The following SLC4A7 variants were observed in gnomAD, a reference collection of about 807,000 sequenced individuals.
SLC4A7 encodes sodium bicarbonate cotransporter 3.
In SLC4A7, 51 loss-of-function variants were observed where a neutral mutation model predicts 137.6. That is an observed-to-expected ratio of 0.37 (90% confidence interval 0.30 to 0.47). The LOEUF is 0.47. SLC4A7 is among the 20% of genes least tolerant of loss of function. The pLI is 1.00. For missense variants in SLC4A7, 1,247 were observed against 1,525.4 expected (o/e 0.82, Z 3.04); for synonymous variants, 542 against 518.6 (o/e 1.05, Z -0.61).
intron 13 of SLC4A7, among the ~76,000 whole-genome samples, chr3:27,408,419 A>G (rs1009147580): frequency 3.3e-5 from 5 of 152,252 alleles, no homozygotes; most frequent in African/African-American, 1.2e-4. Flanking sequence ...TACAATGATT[A>G]AAGACTAAGG....
In SLC4A7 at chr3:27,484,149, G is replaced by A. The variant is rs1326709255; in HGVS notation, c.-23C>T. The A allele has an allele frequency of 7.4e-6, 10 of 1,355,780 alleles. No individual in the cohort carries two copies. In the East Asian group the frequency reaches 1.9e-4, roughly 26 times the overall value. The allele number at this position is 1,355,780 out of a possible 1,614,324, so 84.0% of individuals were successfully genotyped here. A position where few individuals can be genotyped will look rare whatever the true frequency, so the allele number is the denominator to read the frequency against. On this transcript the variant is annotated 5_prime_UTR_variant, in exon 1 of 26. Transcript: ENST00000454389. The stretch of plus-strand genomic sequence containing the variant: ...CATGGCCGGCCGGCCAGCCCGTGAC[G>A]GCCGCTACGGTACTGCCCCGCGCGG...
chr3:27,411,692 A>T lies in SLC4A7; in HGVS notation c.1716T>A (p.Thr572=), dbSNP rs1467001252. Residue 572 remains threonine, a synonymous_variant, in exon 12 of 26, where the codon ACT becomes ACA. Transcript: ENST00000454389. ...CAGCATGATGAGCGGCCTCTTTAGGAGTCTCACCCAGTGTGGGGGTAGATC... is the reference window on the plus strand; with the variant it reads ...CAGCATGATGAGCGGCCTCTTTAGGTGTCTCACCCAGTGTGGGGGTAGATC... ...HNGSTPTLGE[T]PKEAAHHAGP... is the part of the protein sequence containing the mutation. The T allele has an allele frequency of 2.6e-6, 4 of 1,562,578 alleles. No individual in the cohort carries two copies. The highest frequency in any genetic ancestry group is 2.8e-5 in the African/African-American group (2 of 72,674).
At chr3:27,461,819 G>C (rs562109674) in intron 1 of SLC4A7, among the ~76,000 whole-genome samples, 1 of 151,160 alleles carries the variant, frequency 6.6e-6, no homozygotes, top group South Asian at 2.1e-4. Flanking sequence ...AAAATTAGCC[G>C]GGCACTGTGG....
intron 2 of SLC4A7, among the ~76,000 whole-genome samples, chr3:27,450,097 A>G (rs1038760583): frequency 1.2e-4 from 18 of 152,336 alleles, no homozygotes; most frequent in African/African-American, 4.3e-4. Context: ...AGGCTTAAAA[A>G]TGTGATACTC....
At chr3:27,426,272 A>G (rs1228307743) in intron 7 of SLC4A7, among the ~76,000 whole-genome samples, 2 of 152,222 alleles carry the variant, frequency 1.3e-5, no homozygotes, top group Non-Finnish European at 2.9e-5. Context: ...ACGATTTCCC[A>G]AGCCTCAACT....
At chr3:27,384,821 A>G (rs1277609085) in intron 23 of SLC4A7, among the ~76,000 whole-genome samples, 5 of 151,812 alleles carry the variant, frequency 3.3e-5, no homozygotes, top group African/African-American at 1.2e-4. Context: ...AAATAAGCCC[A>G]GTTTGGTGGC....
In SLC4A7 at chr3:27,386,014, A is replaced by G. The variant is rs2050905101; in HGVS notation, c.3370T>C (p.Leu1124=). The part of the protein sequence containing the change: ...AVVFPMMVLA[L]VFVRKLMDLC... ...TCCATGAGTTTGCGCACAAACACTA[A>G]TGCAAGAACCTTTAAAAAGTGGGGA... The change falls in exon 23 of 26, where the codon TTA becomes CTA. Residue 1124 remains leucine (L), a synonymous_variant. Coordinates refer to ENST00000454389, the MANE Select transcript of SLC4A7 (RefSeq NM_001321103.2). 2 of 1,600,984 alleles carry G rather than the reference A, an allele frequency of 1.2e-6. No individual in the cohort carries two copies. Among genetic ancestry groups the G allele is most frequent in the Non-Finnish European group, 1.7e-6 (2 of 1,175,902 alleles).
intron 3 of SLC4A7, among the ~76,000 whole-genome samples, chr3:27,442,535 G>A (rs2057282906): frequency 6.6e-6 from 1 of 151,804 alleles, no homozygotes; most frequent in African/African-American, 2.4e-5. Context: ...GGGTTCAAGG[G>A]ATTCTTGTGC....
At chr3:27,440,879 T>C (rs2057137164) in intron 3 of SLC4A7, among the ~76,000 whole-genome samples, 3 of 152,140 alleles carry the variant, frequency 2.0e-5, no homozygotes, top group African/African-American at 7.2e-5. Flanking sequence ...ACCCTGTCTC[T>C]ACCAAAAATA....
At chr3:27,457,479 T>G (rs145748417) in intron 1 of SLC4A7, among the ~76,000 whole-genome samples, 1,722 of 152,280 alleles carry the variant, frequency 0.011, 17 homozygotes, top group South Asian at 0.032. Flanking sequence ...ACAGATATTC[T>G]GCTGGAAAGG....
chr3:27,418,850 G>A (rs1351853171), intron 10 of SLC4A7, among the ~76,000 whole-genome samples: 1 of 152,094 alleles, frequency 6.6e-6, no homozygotes, highest in Non-Finnish European at 1.5e-5. Flanking sequence ...AAAGAGAACA[G>A]TTACATGTTA....
chr3:27,454,065 C>A (rs1334127237), intron 1 of SLC4A7, among the ~76,000 whole-genome samples: 1 of 152,076 alleles, frequency 6.6e-6, no homozygotes, highest in South Asian at 2.1e-4. Context: ...AATCCCAGTA[C>A]TTTGGGAGGC....
rs557340982 is a variant in SLC4A7 at position 27,429,411 on chromosome 3, C to T, written c.1150+1887G>A. ...GTAAATTTGGATTAAAGATAAATAA[C>T]AGCATGAAACAATGGACAACTAAAA... On this transcript the variant is annotated intron_variant, in intron 7 of 25. Transcript: ENST00000454389. Among the ~76,000 whole-genome samples, 4 of 152,164 alleles carry T rather than the reference C, an allele frequency of 2.6e-5. No individual in the cohort carries two copies. In the East Asian group the frequency reaches 5.8e-4, roughly 22 times the overall value.
chr3:27,445,621 T>C (rs2057527407), intron 3 of SLC4A7, among the ~76,000 whole-genome samples: 1 of 149,004 alleles, frequency 6.7e-6, no homozygotes, highest in African/African-American at 2.4e-5. Flanking sequence ...TGACTATAGT[T>C]AATAATATTG....
At chr3:27,425,147 G>A (rs2055422428) in intron 7 of SLC4A7, among the ~76,000 whole-genome samples, 1 of 152,044 alleles carries the variant, frequency 6.6e-6, no homozygotes, top group Admixed American at 6.5e-5. Flanking sequence ...GAGGTGGGTG[G>A]ATCACCTGAG....
rs1490893415 is a variant in SLC4A7 at position 27,438,578 on chromosome 3, A to AATAACATAAAATAAAATAAC, written c.290-1072_290-1053dup. Among the ~76,000 whole-genome samples, 10 of 148,336 alleles carry AATAACATAAAATAAAATAAC rather than the reference A, an allele frequency of 6.7e-5. 1 individual carries two copies. In the South Asian group the frequency reaches 2.2e-3, roughly 33 times the overall value. ...AACATAACATAACATAAAATAACAAAATAACATAAAATAAAATAACATAAC... is the reference window on the plus strand; with the variant it reads ...AACATAACATAACATAAAATAACAAAATAACATAAAATAAAATAACATAACATAAAATAAAATAACATAAC... On this transcript the variant is annotated intron_variant, in intron 3 of 25. Coordinates refer to ENST00000454389, the MANE Select transcript of SLC4A7 (RefSeq NM_001321103.2).
At chr3:27,444,910 T>C (rs1163320005) in intron 3 of SLC4A7, among the ~76,000 whole-genome samples, 1 of 152,218 alleles carries the variant, frequency 6.6e-6, no homozygotes, top group Non-Finnish European at 1.5e-5. Context: ...TTCTTTCTTT[T>C]AGTAGTGTAA....
chr3:27,476,372 T>C (rs2059459099), intron 1 of SLC4A7, among the ~76,000 whole-genome samples: 1 of 152,246 alleles, frequency 6.6e-6, no homozygotes, highest in South Asian at 2.1e-4. Flanking sequence ...TATTCTCTTC[T>C]ACTGGCAGTT....
intron 11 of SLC4A7, among the ~76,000 whole-genome samples, chr3:27,417,704 T>C (rs368820686): frequency 3.9e-5 from 6 of 152,190 alleles, no homozygotes; most frequent in Non-Finnish European, 5.9e-5. Context: ...CAGTAAGCCA[T>C]GTTCATGACA....
Sources: allele counts gnomAD v4.1 joint callset (sites outside exome capture counted in the v4.1 genomes callset), GRCh38; gene constraint gnomAD v4.1.1; transcripts MANE v1.5; gene names NCBI Gene and HGNC (gene_info 2026-07-23, HGNC 2026-07-21).